KIF16B: variants seen among roughly 807,000 people sequenced by gnomAD.
The protein encoded by KIF16B is kinesin family member 16B.
A neutral mutation model predicts 156.3 loss-of-function variants in KIF16B; 98 were observed. The observed-to-expected ratio is 0.63, with a 90% CI of 0.53 to 0.74. KIF16B has a LOEUF of 0.74. Ranked by LOEUF, KIF16B falls within the 30% of genes least tolerant of loss-of-function variation. KIF16B has a pLI of 0.00. For synonymous variants in KIF16B, 564 were observed against 583.7 expected (o/e 0.97, Z 0.49); for missense variants, 1,421 against 1,606.5 (o/e 0.88, Z 1.97).
rs115521205 is a variant in KIF16B at position 16,560,881 on chromosome 20, A to C, written c.47+12348T>G. ...TGTCTCAGTGTTGTCTCGAGTAACA[A>C]AATCAGATTTTACCAACTTCTTCTC... On this transcript the variant is annotated intron_variant, in intron 1 of 25. Coordinates refer to ENST00000354981, the MANE Select transcript of KIF16B (RefSeq NM_024704.5). Among the ~76,000 whole-genome samples the C allele has an allele frequency of 5.8e-3, 889 of 152,370 alleles. 8 individuals carry two copies. Among genetic ancestry groups the C allele is most frequent in the African/African-American group, 0.02 (851 of 41,590 alleles).
chr20:16,320,610 A>G (rs1568847424), intron 24 of KIF16B, among the ~76,000 whole-genome samples: 1 of 152,228 alleles, frequency 6.6e-6, no homozygotes, highest in Non-Finnish European at 1.5e-5. Context: ...AAAAGTTTAT[A>G]TCTAACCAAA....
chr20:16,378,342 A>G (rs886756565), intron 19 of KIF16B, among the ~76,000 whole-genome samples: 5 of 151,608 alleles, frequency 3.3e-5, no homozygotes, highest in Admixed American at 1.3e-4. Context: ...GGGAGAGGAA[A>G]GAGAGAGGGC....
intron 17 of KIF16B, among the ~76,000 whole-genome samples, chr20:16,386,061 T>C (rs754730944): frequency 1.7e-4 from 26 of 152,232 alleles, no homozygotes; most frequent in Admixed American, 2.0e-4. Context: ...TTCAACGAGC[T>C]GGTATGCAGG....
At chr20:16,359,664 A>C (rs1187610505) in intron 22 of KIF16B, among the ~76,000 whole-genome samples, 6 of 152,024 alleles carry the variant, frequency 3.9e-5, no homozygotes, top group Non-Finnish European at 8.8e-5. Context: ...CAAAAAAAAA[A>C]AAAAAAAAAA....
At chr20:16,518,787 G>A (rs2069230228) in intron 3 of KIF16B, among the ~76,000 whole-genome samples, 1 of 152,066 alleles carries the variant, frequency 6.6e-6, no homozygotes, top group South Asian at 2.1e-4. Context: ...AACTATAGTA[G>A]TAGACATGAT....
In KIF16B at chr20:16,378,847, C is replaced by A. The variant is rs1325313468; in HGVS notation, c.3155G>T (p.Ser1052Ile). The A allele has an allele frequency of 3.7e-6, 6 of 1,613,570 alleles. No homozygotes were observed. Among genetic ancestry groups the A allele is most frequent in the Non-Finnish European group, 4.2e-6 (5 of 1,179,846 alleles). Reference protein sequence around the residue: ...GSREQSGLQASLEAEQEALEK... With the variant: ...GSREQSGLQAILEAEQEALEK... ...CAGGGCTTCCTGCTCAGCCTCCAGG[C>A]TAGCCTGGAGCCCTGACTGCTCTCT... Residue 1052 changes from serine (S) to isoleucine (I), a missense_variant, in exon 19 of 26, where the codon AGC (serine) becomes ATC (isoleucine). Physicochemically the swap from Ser to Ile is moderately radical, Grantham distance 142. Transcript: ENST00000354981.
intron 12 of KIF16B, among the ~76,000 whole-genome samples, chr20:16,490,456 G>A (rs1314630756): frequency 1.3e-5 from 2 of 152,058 alleles, no homozygotes; most frequent in Non-Finnish European, 1.5e-5. Flanking sequence ...TATGAGAATC[G>A]CTTGAAACTG....
Position 16,497,028 on chromosome 20 carries a change from G to C in KIF16B, c.1242+585C>G, listed in dbSNP as rs185613880. ...TTCACAGAAGTTTAAAAAAAAAAAA[G>C]TATAGAACCAGGTCAGCCATAAAAC... On this transcript the variant is annotated intron_variant, in intron 11 of 25. Transcript: ENST00000354981. 1.9e-3 allele frequency among the ~76,000 whole-genome samples: 288 copies of C among 151,752 alleles called. 1 individual carries two copies. Among genetic ancestry groups the C allele is most frequent in the Middle Eastern group, 0.017 (5 of 294 alleles).
intron 18 of KIF16B, among the ~76,000 whole-genome samples, chr20:16,380,953 C>T (rs985011949): frequency 1.3e-5 from 2 of 152,190 alleles, no homozygotes; most frequent in African/African-American, 2.4e-5. Flanking sequence ...TTGGATGATG[C>T]TGGAAACTAA....
At chr20:16,363,906 G>A (rs1600211907) in intron 22 of KIF16B, among the ~76,000 whole-genome samples, 1 of 152,162 alleles carries the variant, frequency 6.6e-6, no homozygotes, top group East Asian at 1.9e-4. Context: ...ATATTCTAAG[G>A]AATGAGGCAG....
intron 15 of KIF16B, among the ~76,000 whole-genome samples, chr20:16,409,982 T>TATATATATATGTATGTAC (rs2065887813): frequency 1.8e-5 from 1 of 55,532 alleles, no homozygotes; most frequent in African/African-American, 7.4e-5. Context: ...TATATATATA[T>TATATATATATGTATGTAC]ATATATATAT....
intron 17 of KIF16B, among the ~76,000 whole-genome samples, chr20:16,403,112 C>T (rs534019767): frequency 6.6e-6 from 1 of 152,254 alleles, no homozygotes; most frequent in South Asian, 2.1e-4. Context: ...TTAAAAGGTA[C>T]CACCACTGTG....
At chr20:16,460,672 C>T (rs1216416218) in intron 12 of KIF16B, among the ~76,000 whole-genome samples, 2 of 151,282 alleles carry the variant, frequency 1.3e-5, no homozygotes, top group Non-Finnish European at 2.9e-5. Context: ...ATAGATAAAT[C>T]AAAATGAAGA....
At chr20:16,502,408 A>G (rs1048884829) in intron 10 of KIF16B, among the ~76,000 whole-genome samples, 1 of 152,214 alleles carries the variant, frequency 6.6e-6, no homozygotes, top group African/African-American at 2.4e-5. Context: ...ATTGTCTCAA[A>G]ACAATTTACA....
Position 16,475,520 on chromosome 20 carries a change from G to A in KIF16B, c.1302+18771C>T, listed in dbSNP as rs576942359. On this transcript the variant is annotated intron_variant, in intron 12 of 25. Transcript: ENST00000354981. ...ACAAGGAAGGAGCTGGGAGAAATTC[G>A]ATCTGAATATCTATGAAGATTCTTG... Among the ~76,000 whole-genome samples the A allele has an allele frequency of 9.5e-4, 145 of 152,316 alleles. 1 individual carries two copies. Among genetic ancestry groups the A allele is most frequent in the African/African-American group, 3.3e-3 (138 of 41,566 alleles).
chr20:16,341,658 G>A (rs2064141170), intron 23 of KIF16B, among the ~76,000 whole-genome samples: 1 of 152,226 alleles, frequency 6.6e-6, no homozygotes. Flanking sequence ...CAGCTGCACT[G>A]GGGCACTTGT....
At chr20:16,528,289 G>T in intron 2 of KIF16B, 82 bp downstream of exon 2, 1 of 1,053,466 alleles carries the variant, frequency 9.5e-7, no homozygotes, top group Non-Finnish European at 1.5e-6. Context: ...CAGCAGACAG[G>T]CTTTATTTAC....
chr20:16,376,044 T>C (rs367735096), intron 19 of KIF16B, among the ~76,000 whole-genome samples: 3 of 152,210 alleles, frequency 2.0e-5, no homozygotes, highest in African/African-American at 7.2e-5. Flanking sequence ...AGCTTCCTCA[T>C]GTGTAAACTG....
chr20:16,480,592 G>A (rs2067953070), intron 12 of KIF16B, among the ~76,000 whole-genome samples: 1 of 152,210 alleles, frequency 6.6e-6, no homozygotes, highest in African/African-American at 2.4e-5. Flanking sequence ...CAAGGCTTTT[G>A]TGTATTTCAT....
Sources: gnomAD v4.1 joint callset for allele counts (sites outside exome capture counted in the v4.1 genomes callset) on GRCh38, gnomAD v4.1.1 for gene constraint, MANE v1.5 for transcripts, NCBI Gene and HGNC (gene_info 2026-07-23, HGNC 2026-07-21) for gene names.